Variants in PTPN14 observed in about 807,000 individuals in gnomAD.
PTPN14 encodes the protein tyrosine-protein phosphatase non-receptor type 14.
PTPN14 carries 53 observed loss-of-function variants against 126.8 expected under a neutral mutation model. That is an observed-to-expected ratio of 0.42 (90% CI 0.34 to 0.53). The LOEUF is 0.53. Ranked by LOEUF, PTPN14 falls within the 20% of genes least tolerant of loss-of-function variation. PTPN14 has a pLI of 0.08. For synonymous variants in PTPN14, 630 were observed against 599.3 expected, an observed-to-expected ratio of 1.05 and a Z score of -0.75; for missense variants, 1,257 against 1,552.9, an observed-to-expected ratio of 0.81 and a Z score of 3.20.
At chr1:214,436,266 T>C (rs1043905730) in intron 3 of PTPN14, among the ~76,000 whole-genome samples, 4 of 151,806 alleles carry the variant, frequency 2.6e-5, no homozygotes, top group Admixed American at 2.6e-4. Flanking sequence ...GAGAGGAGGG[T>C]AAGGATTGAA....
intron 5 of PTPN14, among the ~76,000 whole-genome samples, chr1:214,406,528 T>C (rs1659176570): frequency 1.3e-5 from 2 of 151,576 alleles, no homozygotes; most frequent in African/African-American, 4.8e-5. Context: ...AGCAACTAAA[T>C]TTTTAATTTT....
intron 1 of PTPN14, among the ~76,000 whole-genome samples, chr1:214,524,408 T>C (rs1327705467): frequency 2.0e-5 from 3 of 151,988 alleles, no homozygotes; most frequent in Non-Finnish European, 4.4e-5. Flanking sequence ...TCCCAGCTAC[T>C]TGGGAGGCTG....
intron 1 of PTPN14, among the ~76,000 whole-genome samples, chr1:214,469,425 C>T (rs898370401): frequency 6.6e-6 from 1 of 152,078 alleles, no homozygotes; most frequent in Non-Finnish European, 1.5e-5. Context: ...ATGTGAAATC[C>T]ACTCTAAGCA....
chr1:214,360,995 C>T (rs1021419363), intron 18 of PTPN14, among the ~76,000 whole-genome samples: 2 of 152,182 alleles, frequency 1.3e-5, no homozygotes, highest in African/African-American at 2.4e-5. Flanking sequence ...CTCCTGCTGC[C>T]ATGTGAAGAC....
At chr1:214,517,049 A>C (rs1254940680) in intron 1 of PTPN14, among the ~76,000 whole-genome samples, 1 of 152,090 alleles carries the variant, frequency 6.6e-6, no homozygotes, top group African/African-American at 2.4e-5. Context: ...CCAACCTTCC[A>C]GGCCCAGCTA....
intron 3 of PTPN14, among the ~76,000 whole-genome samples, chr1:214,434,731 G>T (rs2102612733): frequency 6.6e-6 from 1 of 152,252 alleles, no homozygotes; most frequent in East Asian, 1.9e-4. Context: ...AGGACCCAGA[G>T]AAAAGGTGGA....
At position 214,393,768 on chromosome 1, in the gene PTPN14, C is replaced by T; in HGVS notation, c.856G>A (p.Glu286Lys). ...ETALFHTDDIENAKYISRLFA... is the reference protein window; with the variant it reads ...ETALFHTDDIKNAKYISRLFA... ...AACCGAGAAATATACTTGGCATTTT[C>T]GATATCATCCTTGGAAAAGAAGAGA... Residue 286 changes from glutamate to lysine, a missense_variant, in exon 10 of 19, where the codon GAA becomes AAA. Transcript: ENST00000366956. 1 of 1,592,456 alleles carries T rather than the reference C, an allele frequency of 6.3e-7. No homozygotes were observed. Among genetic ancestry groups the T allele is most frequent in the Non-Finnish European group, 8.6e-7 (1 of 1,160,740 alleles).
intron 11 of PTPN14, among the ~76,000 whole-genome samples, chr1:214,388,479 T>A (rs569470715): frequency 6.6e-5 from 10 of 152,110 alleles, no homozygotes; most frequent in Non-Finnish European, 1.5e-4. Flanking sequence ...CAATCTCGGC[T>A]CACTGCAACC....
chr1:214,364,731 G>A lies in PTPN14; in HGVS notation c.3272-56C>T. On this transcript the variant is annotated intron_variant, in intron 17 of 18. Transcript: ENST00000366956. The surrounding 1 kb of genome is among the most constrained non-coding windows in gnomAD (Gnocchi z 4.1). ...AAGTCCTCCATGGCTTCGCATGTAAGTTGGGGAGGGGGGAGCGGAAGAGAA... is the reference window on the plus strand; with the variant it reads ...AAGTCCTCCATGGCTTCGCATGTAAATTGGGGAGGGGGGAGCGGAAGAGAA... 6.4e-7 allele frequency: 1 copy of A among 1,569,226 alleles called. No individual in the cohort carries two copies. The highest frequency in any genetic ancestry group is 1.2e-5 in the South Asian group (1 of 84,028).
At chr1:214,412,869 T>A (rs888522938) in intron 4 of PTPN14, among the ~76,000 whole-genome samples, 12 of 152,000 alleles carry the variant, frequency 7.9e-5, no homozygotes, top group Admixed American at 7.2e-4. Context: ...AGCTTTTTAT[T>A]TATTTATTTA....
intron 2 of PTPN14, among the ~76,000 whole-genome samples, chr1:214,452,563 C>G (rs766198427): frequency 6.6e-6 from 1 of 152,210 alleles, no homozygotes; most frequent in Non-Finnish European, 1.5e-5. Flanking sequence ...CTCCCCATAT[C>G]AAGCTTTGAG....
chr1:214,371,788 G>A (rs1461621206), intron 16 of PTPN14, among the ~76,000 whole-genome samples: 1 of 152,152 alleles, frequency 6.6e-6, no homozygotes, highest in African/African-American at 2.4e-5. Context: ...GCTTTAAAGA[G>A]CCTGATGTCC....
rs1299607620 is a variant in PTPN14 at position 214,349,447 on chromosome 1, T to A, written c.*8475A>T. 3.3e-5 allele frequency: 5 copies of A among 152,130 alleles called. No individual in the cohort carries two copies. In the East Asian group the frequency reaches 9.6e-4, roughly 29 times the overall value. The allele number at this position is 152,130 out of a possible 1,614,324, so 9.4% of individuals were successfully genotyped here. A position where few individuals can be genotyped will look rare whatever the true frequency, so the allele number is the denominator to read the frequency against. On this transcript the variant is annotated 3_prime_UTR_variant, in exon 19 of 19. Coordinates refer to ENST00000366956, the MANE Select transcript of PTPN14 (RefSeq NM_005401.5). Reference sequence around the variant, plus strand: ...GTTTCAAAATGAAACCTAATAAATGTCATTTGTTTTGAATGATACCAAAAT... The same window carrying A: ...GTTTCAAAATGAAACCTAATAAATGACATTTGTTTTGAATGATACCAAAAT...
intron 1 of PTPN14, among the ~76,000 whole-genome samples, chr1:214,534,271 A>G (rs1301124712): frequency 6.6e-6 from 1 of 152,216 alleles, no homozygotes; most frequent in African/African-American, 2.4e-5. Context: ...TACCTTGGAA[A>G]CTAAACCCTA....
intron 5 of PTPN14, among the ~76,000 whole-genome samples, chr1:214,403,208 G>GAAT (rs1278246344): frequency 3.3e-5 from 5 of 152,152 alleles, no homozygotes; most frequent in African/African-American, 1.2e-4. Flanking sequence ...TGGTGCCAGG[G>GAAT]AATAGCTCTT....
chr1:214,451,921 C>T lies in PTPN14; in HGVS notation c.228G>A (p.Val76=), dbSNP rs540482869. The part of the protein sequence containing the change: ...FLSKSQQARW[V]ELEKPLKKHL... ...GTTTCTTCAGAGGTTTCTCCAGCTC[C>T]ACCCATCGTGCTTGCTGGCTCTTGC... is the stretch of plus-strand genomic sequence containing the variant. The change falls in exon 3 of 19, where the codon GTG becomes GTA. Residue 76 remains valine, a synonymous_variant. Transcript: ENST00000366956. The T allele has an allele frequency of 1.9e-6, 3 of 1,614,222 alleles. No homozygotes were observed. Among genetic ancestry groups the T allele is most frequent in the African/African-American group, 2.7e-5 (2 of 75,066 alleles).
chr1:214,377,292 A>G (rs1658364044), intron 14 of PTPN14, among the ~76,000 whole-genome samples: 1 of 152,228 alleles, frequency 6.6e-6, no homozygotes, highest in Non-Finnish European at 1.5e-5. Flanking sequence ...CAAATACTGC[A>G]TGTTGTCACT....
intron 3 of PTPN14, among the ~76,000 whole-genome samples, chr1:214,436,082 T>C (rs983940008): frequency 1.3e-5 from 2 of 152,206 alleles, no homozygotes; most frequent in Non-Finnish European, 2.9e-5. Context: ...GACAAGATCA[T>C]GTCCTCTGCA....
chr1:214,444,456 T>A (rs1660099443), intron 3 of PTPN14, among the ~76,000 whole-genome samples: 1 of 151,964 alleles, frequency 6.6e-6, no homozygotes, highest in Admixed American at 6.6e-5. Context: ...ACTTTAAATA[T>A]CCAGTAAAAT....
Sources: allele counts gnomAD v4.1 joint callset (sites outside exome capture counted in the v4.1 genomes callset), GRCh38; gene constraint gnomAD v4.1.1; non-coding constraint Gnocchi (gnomAD v3.1); transcripts MANE v1.5; gene names NCBI Gene and HGNC (gene_info 2026-07-23, HGNC 2026-07-21).